The following GRAMD2B variants were observed in gnomAD, a reference collection of about 807,000 sequenced individuals.
GRAMD2B encodes the protein GRAM domain containing 2B.
A neutral mutation model predicts 59.2 loss-of-function variants in GRAMD2B; 41 were observed. That is an observed-to-expected ratio of 0.69 (90% CI 0.54 to 0.90). GRAMD2B has a LOEUF of 0.90. GRAMD2B is among the 40% of genes least tolerant of loss of function. The probability of loss-of-function intolerance (pLI) is 0.00; values close to 1 mark genes in which losing one functional copy is unlikely to be tolerated. For missense variants in GRAMD2B, 424 were observed against 500.5 expected (o/e 0.85, Z 1.46); for synonymous variants, 161 against 182.7 (o/e 0.88, Z 0.96).
At chr5:126,392,058 T>C (rs2149721863) in intron 1 of GRAMD2B, among the ~76,000 whole-genome samples, 1 of 152,354 alleles carries the variant, frequency 6.6e-6, no homozygotes, top group African/African-American at 2.4e-5. Context: ...AAGACTGACA[T>C]GCCTTTGCTA....
intron 1 of GRAMD2B, among the ~76,000 whole-genome samples, chr5:126,435,828 C>G (rs1218943541): frequency 1.3e-5 from 2 of 151,990 alleles, no homozygotes; most frequent in African/African-American, 2.4e-5. Context: ...TTTTTATTTC[C>G]TTTTCTTTCC....
intron 1 of GRAMD2B, among the ~76,000 whole-genome samples, chr5:126,365,792 A>C (rs1016957880): frequency 2.6e-5 from 4 of 152,220 alleles, no homozygotes; most frequent in African/African-American, 7.2e-5. Flanking sequence ...TTCTGCAAAC[A>C]AAATTTTTAA....
chr5:126,395,328 A>G (rs1281675058), intron 1 of GRAMD2B, among the ~76,000 whole-genome samples: 3 of 152,204 alleles, frequency 2.0e-5, no homozygotes, highest in Non-Finnish European at 4.4e-5. Context: ...ATATTTCAAG[A>G]TAAGATCGCT....
At chr5:126,371,210 T>C (rs757877269), upstream of GRAMD2B, 112 of 650,808 alleles carry the variant, frequency 1.7e-4, no homozygotes, top group African/African-American at 1.8e-3. Flanking sequence ...AACACATTTA[T>C]TTCTTTACAG....
At chr5:126,423,334 T>A, upstream of GRAMD2B, 1 of 1,295,942 alleles carries the variant, frequency 7.7e-7, no homozygotes, top group Non-Finnish European at 9.7e-7. Context: ...GCCTCCTGGG[T>A]TGGGGAAAGA....
intron 1 of GRAMD2B, among the ~76,000 whole-genome samples, chr5:126,380,228 T>A (rs2149703168): frequency 6.6e-6 from 1 of 152,294 alleles, no homozygotes; most frequent in Admixed American, 6.5e-5. Context: ...GGCATTTGGC[T>A]TTATTTCTGC....
intron 1 of GRAMD2B, among the ~76,000 whole-genome samples, chr5:126,397,473 C>A (rs1385258783): frequency 6.6e-6 from 1 of 152,168 alleles, no homozygotes; most frequent in African/African-American, 2.4e-5. Context: ...ATCCACTCAA[C>A]TCAGCCTCCC....
At chr5:126,466,472 C>T (rs1208569603) in intron 2 of GRAMD2B, 3 of 650,782 alleles carry the variant, frequency 4.6e-6, no homozygotes, top group Non-Finnish European at 8.3e-6. Flanking sequence ...GTCATCCAGG[C>T]TGGAGTGCAG....
At chr5:126,418,668 G>A (rs1279914917), upstream of GRAMD2B, among the ~76,000 whole-genome samples, 1 of 152,180 alleles carries the variant, frequency 6.6e-6, no homozygotes, top group Non-Finnish European at 1.5e-5. Context: ...CCATTCCAAT[G>A]TTTCATGGTT....
intron 11 of GRAMD2B, 53 bp downstream of exon 11, chr5:126,485,826 A>T: frequency 2.8e-6 from 3 of 1,088,842 alleles, no homozygotes; most frequent in Non-Finnish European, 4.2e-6. Flanking sequence ...CATTCGCTAA[A>T]GGAATAATCT....
At chr5:126,402,735 A>C (rs567945024) in intron 1 of GRAMD2B, among the ~76,000 whole-genome samples, 3 of 152,030 alleles carry the variant, frequency 2.0e-5, no homozygotes, top group Non-Finnish European at 4.4e-5. Flanking sequence ...ACATTTAGCC[A>C]AAGAAATATT....
chr5:126,389,371 ATCT>A (rs1756494328), intron 1 of GRAMD2B, among the ~76,000 whole-genome samples: 1 of 152,152 alleles, frequency 6.6e-6, no homozygotes, highest in East Asian at 1.9e-4. Flanking sequence ...AGTGATTTCG[ATCT>A]TCTCTCCCGC....
intron 3 of GRAMD2B, among the ~76,000 whole-genome samples, chr5:126,471,372 G>T (rs1041139992): frequency 3.2e-4 from 49 of 152,178 alleles, no homozygotes; most frequent in African/African-American, 1.1e-3. Context: ...ACCACATCCA[G>T]CTAACAGTTC....
At chr5:126,389,956 A>G (rs922011522) in intron 1 of GRAMD2B, among the ~76,000 whole-genome samples, 1 of 152,248 alleles carries the variant, frequency 6.6e-6, no homozygotes, top group African/African-American at 2.4e-5. Flanking sequence ...TCAAAAAAAA[A>G]GAATTGTTAA....
intron 1 of GRAMD2B, among the ~76,000 whole-genome samples, chr5:126,397,130 T>A (rs1757425145): frequency 6.6e-6 from 1 of 152,200 alleles, no homozygotes; most frequent in East Asian, 1.9e-4. Context: ...CTGTAGGTTG[T>A]CTGTTCATTC....
chr5:126,413,139 CT>C (rs1205503881), intron 1 of GRAMD2B, among the ~76,000 whole-genome samples: 1 of 151,930 alleles, frequency 6.6e-6, no homozygotes, highest in Non-Finnish European at 1.5e-5. Context: ...TATTTATTTT[CT>C]TCTAGTAACT....
chr5:126,416,701 G>T (rs1759296006), intron 1 of GRAMD2B, among the ~76,000 whole-genome samples: 1 of 152,082 alleles, frequency 6.6e-6, no homozygotes, highest in African/African-American at 2.4e-5. Context: ...CTTAAAATAT[G>T]CCAAGCCCAG....
At chr5:126,408,236 A>T (rs1210819272) in intron 1 of GRAMD2B, among the ~76,000 whole-genome samples, 1 of 152,098 alleles carries the variant, frequency 6.6e-6, no homozygotes, top group African/African-American at 2.4e-5. Flanking sequence ...TTCACTTAGG[A>T]TAATGGCTTC....
At chr5:126,410,347 T>C (rs1758673618) in intron 1 of GRAMD2B, among the ~76,000 whole-genome samples, 1 of 151,924 alleles carries the variant, frequency 6.6e-6, no homozygotes, top group African/African-American at 2.4e-5. Flanking sequence ...CATTTCTTTG[T>C]ATCCTCTTTT....
Sources: gnomAD v4.1 joint callset for allele counts (sites outside exome capture counted in the v4.1 genomes callset) on GRCh38, gnomAD v4.1.1 for gene constraint, MANE v1.5 for transcripts, NCBI Gene and HGNC (gene_info 2026-07-23, HGNC 2026-07-21) for gene names.